The following DMRT1 variants were observed in gnomAD, a reference collection of about 807,000 sequenced individuals.
DMRT1 encodes the protein doublesex and mab-3 related transcription factor 1.
In DMRT1, 7 loss-of-function variants were observed where a neutral mutation model predicts 32.3. The ratio of observed to expected loss-of-function variants is 0.22; its 90% CI spans 0.12 to 0.41. DMRT1 has a LOEUF of 0.41. Among genes scored for constraint, DMRT1 ranks in the 10% least tolerant of loss-of-function variants. The probability of loss-of-function intolerance (pLI) is 1.00; values close to 1 mark genes in which losing one functional copy is unlikely to be tolerated. For synonymous variants in DMRT1, 278 were observed against 206.1 expected (o/e 1.35, Z -2.99); for missense variants, 625 against 500.5 (o/e 1.25, Z -2.37).
At chr9:850,471 T>C (rs896062397) in intron 2 of DMRT1, among the ~76,000 whole-genome samples, 2 of 152,150 alleles carry the variant, frequency 1.3e-5, no homozygotes, top group Non-Finnish European at 1.5e-5. Flanking sequence ...TTCATGGAGG[T>C]GAATGGTAAA....
In DMRT1 at chr9:876,423, A is replaced by G. The variant is rs553224722; in HGVS notation, c.539-17489A>G. Among the ~76,000 whole-genome samples, 3 of 152,292 alleles carry G rather than the reference A, an allele frequency of 2.0e-5. No individual in the cohort carries two copies. In the South Asian group the frequency reaches 6.2e-4, roughly 32 times the overall value. On this transcript the variant is annotated intron_variant, in intron 2 of 4. Coordinates refer to ENST00000382276, the MANE Select transcript of DMRT1 (RefSeq NM_021951.3). ...CATCACAGTCTGTCTTTGGAGCTTA[A>G]GAACTTGACCTCTTTGCTTGACACA...
At chr9:920,456 G>A (rs1417000901) in intron 4 of DMRT1, among the ~76,000 whole-genome samples, 4 of 152,172 alleles carry the variant, frequency 2.6e-5, no homozygotes, top group Admixed American at 1.3e-4. Context: ...GACTGGAATC[G>A]ACCATCAGCT....
chr9:886,701 G>A (rs938400056), intron 2 of DMRT1, among the ~76,000 whole-genome samples: 2 of 151,682 alleles, frequency 1.3e-5, no homozygotes, highest in Non-Finnish European at 2.9e-5. Flanking sequence ...TTTAAATTTT[G>A]TATGATAAAT....
intron 2 of DMRT1, among the ~76,000 whole-genome samples, chr9:858,899 C>T (rs1313827580): frequency 6.0e-5 from 9 of 149,040 alleles, no homozygotes; most frequent in Admixed American, 5.4e-4. Context: ...ATATATTTAT[C>T]ATTGTAACCA....
chr9:950,613 G>C (rs1306080753), intron 4 of DMRT1, among the ~76,000 whole-genome samples: 2 of 152,274 alleles, frequency 1.3e-5, no homozygotes, highest in East Asian at 3.9e-4. Flanking sequence ...TAATAATTAT[G>C]CTAATAAATA....
At chr9:900,383 T>C (rs1237596199) in intron 3 of DMRT1, among the ~76,000 whole-genome samples, 1 of 152,160 alleles carries the variant, frequency 6.6e-6, no homozygotes, top group African/African-American at 2.4e-5. Flanking sequence ...CCCCCTTTTT[T>C]TGTTGTTTTT....
At chr9:878,726 T>C (rs929670003) in intron 2 of DMRT1, among the ~76,000 whole-genome samples, 5 of 152,164 alleles carry the variant, frequency 3.3e-5, no homozygotes, top group Non-Finnish European at 7.3e-5. Flanking sequence ...GAAAACGTTA[T>C]GGCCGTGTTG....
At position 893,296 on chromosome 9, in the gene DMRT1, C is replaced by A. The variant is rs895568030; in HGVS notation, c.539-616C>A. 2.0e-5 allele frequency among the ~76,000 whole-genome samples: 3 copies of A among 152,304 alleles called. No individual in the cohort carries two copies. In the East Asian group the frequency reaches 5.8e-4, roughly 29 times the overall value. On this transcript the variant is annotated intron_variant, in intron 2 of 4. Transcript: ENST00000382276. ...AAACTAGTCTTTGGGTTAGATCAGCCCACTGCCTGTTTTTATAAATAAAGT... is the reference window on the plus strand; with the variant it reads ...AAACTAGTCTTTGGGTTAGATCAGCACACTGCCTGTTTTTATAAATAAAGT...
intron 4 of DMRT1, among the ~76,000 whole-genome samples, chr9:938,085 T>G (rs749144946): frequency 1.3e-5 from 2 of 152,170 alleles, no homozygotes; most frequent in African/African-American, 2.4e-5. Context: ...TTCCCAACAT[T>G]GTTTATTGAA....
chr9:922,141 A>T (rs1182156739), intron 4 of DMRT1, among the ~76,000 whole-genome samples: 1 of 152,002 alleles, frequency 6.6e-6, no homozygotes, highest in Non-Finnish European at 1.5e-5. Context: ...GGCCTCCCAA[A>T]GTGCTGGGAT....
At chr9:855,764 C>T (rs1251368956) in intron 2 of DMRT1, among the ~76,000 whole-genome samples, 1 of 152,214 alleles carries the variant, frequency 6.6e-6, no homozygotes, top group Admixed American at 6.5e-5. Flanking sequence ...ACTACAGGCA[C>T]GTGCCACCAC....
chr9:866,866 G>C (rs1490059566), intron 2 of DMRT1, among the ~76,000 whole-genome samples: 1 of 152,174 alleles, frequency 6.6e-6, no homozygotes, highest in Non-Finnish European at 1.5e-5. Flanking sequence ...ATGAGTTACA[G>C]GAGGAAGGAG....
Position 862,057 on chromosome 9 carries a change from A to G in DMRT1, c.538+14914A>G, listed in dbSNP as rs1815726339. On this transcript the variant is annotated intron_variant, in intron 2 of 4. Transcript: ENST00000382276. ...GGAGGGGCTCCTCACATCCCAGACG[A>G]TGGGCGGCCAGGCAGAGACGCTCCT... Among the ~76,000 whole-genome samples, 2 of 149,662 alleles carry G rather than the reference A, an allele frequency of 1.3e-5. 1 individual carries two copies. Among genetic ancestry groups the G allele is most frequent in the Non-Finnish European group, 3.0e-5 (2 of 66,980 alleles).
At chr9:955,389 A>G (rs960075112) in intron 4 of DMRT1, among the ~76,000 whole-genome samples, 7 of 152,208 alleles carry the variant, frequency 4.6e-5, no homozygotes, top group African/African-American at 1.7e-4. Flanking sequence ...GAAGGGAAAG[A>G]AGGAAAAGAT....
intron 3 of DMRT1, among the ~76,000 whole-genome samples, chr9:902,859 A>G (rs1283777867): frequency 6.6e-6 from 1 of 152,110 alleles, no homozygotes; most frequent in Non-Finnish European, 1.5e-5. Flanking sequence ...ATTCATTCAC[A>G]GGAACCCCAA....
intron 3 of DMRT1, among the ~76,000 whole-genome samples, chr9:899,642 C>T (rs1451239110): frequency 1.3e-5 from 2 of 152,210 alleles, no homozygotes; most frequent in African/African-American, 2.4e-5. Flanking sequence ...TTCCGCTGAC[C>T]AGCAGCTCAA....
chr9:888,447 C>T (rs890915538), intron 2 of DMRT1, among the ~76,000 whole-genome samples: 11 of 152,064 alleles, frequency 7.2e-5, no homozygotes, highest in African/African-American at 2.7e-4. Context: ...GCTGGGACTA[C>T]AGGCATGCAC....
At chr9:849,756 G>T (rs1055804902) in intron 2 of DMRT1, among the ~76,000 whole-genome samples, 1 of 151,906 alleles carries the variant, frequency 6.6e-6, no homozygotes, top group African/African-American at 2.4e-5. Flanking sequence ...GTGCTCATTT[G>T]CTCAGGCACA....
intron 3 of DMRT1, among the ~76,000 whole-genome samples, chr9:899,623 A>G (rs985922272): frequency 6.6e-6 from 1 of 152,220 alleles, no homozygotes; most frequent in Non-Finnish European, 1.5e-5. Flanking sequence ...ACTCACAATG[A>G]ATGGCTGGTT....
Sources: allele counts gnomAD v4.1 joint callset (sites outside exome capture counted in the v4.1 genomes callset), GRCh38; gene constraint gnomAD v4.1.1; transcripts MANE v1.5; gene names NCBI Gene and HGNC (gene_info 2026-07-23, HGNC 2026-07-21).